Variants in MAP2 observed in about 807,000 individuals in gnomAD.
MAP2 encodes the protein microtubule associated protein 2.
In MAP2, 14 loss-of-function variants were observed where a neutral mutation model predicts 137.6. The ratio of observed to expected loss-of-function variants is 0.10; its 90% CI spans 0.07 to 0.16. The LOEUF (loss-of-function observed/expected upper bound fraction) is 0.16, where lower values mean the gene tolerates loss of function less well. Ranked by LOEUF, MAP2 falls within the 10% of genes least tolerant of loss-of-function variation. The probability of loss-of-function intolerance (pLI) is 1.00; values close to 1 mark genes in which losing one functional copy is unlikely to be tolerated. For missense variants in MAP2, 2,088 were observed against 2,191.5 expected, an observed-to-expected ratio of 0.95 and a Z score of 0.94; for synonymous variants, 786 against 782.3, an observed-to-expected ratio of 1.00 and a Z score of -0.08.
At position 209,692,814 on chromosome 2, in the gene MAP2, G is replaced by A. The variant is rs768731263; in HGVS notation, c.644G>A (p.Gly215Asp). Residue 215 changes from glycine (G) to aspartate (D), a missense_variant, in exon 8 of 16, where the codon GGC becomes GAC. Physicochemically the swap from Gly to Asp is moderately conservative, Grantham distance 94. Around this residue, in one of 6 missense-constraint regions of MAP2, gnomAD observed 859 missense variants for 794.5 expected, o/e 1.08. Transcript: ENST00000682079. ...KTYPDKKDMQ[G>D]TEEEKAPLAL... Reference sequence around the variant, plus strand: ...TACCCTGATAAAAAGGACATGCAAGGCACGGAAGAAGAAAAAGCACCCCTA... The same window carrying A: ...TACCCTGATAAAAAGGACATGCAAGACACGGAAGAAGAAAAAGCACCCCTA... 1.2e-6 allele frequency: 2 copies of A among 1,612,980 alleles called. No homozygotes were observed. Among genetic ancestry groups the A allele is most frequent in the Non-Finnish European group, 1.7e-6 (2 of 1,179,726 alleles).
At chr2:209,576,354 C>T (rs929373303) in intron 2 of MAP2, among the ~76,000 whole-genome samples, 1 of 152,126 alleles carries the variant, frequency 6.6e-6, no homozygotes, top group Admixed American at 6.5e-5. Context: ...AGAGATTCTC[C>T]TGCCTCAGCT....
chr2:209,696,677 C>A lies in MAP2; in HGVS notation c.4316C>A (p.Ser1439Tyr). ...TTTAAAACCGGGAGAGGCAGAATTT[C>A]CACTCCTGAAAGAAAAGTAGCTAAA... ...KPFKTGRGRI[S>Y]TPERKVAKKE... Residue 1439 changes from serine to tyrosine, a missense_variant, in exon 9 of 16, where the codon TCC (serine) becomes TAC (tyrosine). Physicochemically the swap from Ser to Tyr is moderately radical, Grantham distance 144 (BLOSUM62 -2). This residue lies in a region of MAP2 where 591 missense variants were observed against 642.6 expected (regional missense o/e 0.92). Coordinates refer to ENST00000682079, the MANE Select transcript of MAP2 (RefSeq NM_001375505.1). The A allele has an allele frequency of 6.2e-7, 1 of 1,613,950 alleles. No homozygotes were observed. Among genetic ancestry groups the A allele is most frequent in the East Asian group, 2.2e-5 (1 of 44,840 alleles).
At chr2:209,677,365 G>A (rs550169244) in intron 5 of MAP2, among the ~76,000 whole-genome samples, 1 of 151,836 alleles carries the variant, frequency 6.6e-6, no homozygotes, top group African/African-American at 2.4e-5. Flanking sequence ...CAGGCAGATA[G>A]GTAGGTAGAT....
intron 4 of MAP2, among the ~76,000 whole-genome samples, chr2:209,633,494 TAGTTGTTACTA>T (rs1239936955): frequency 3.3e-5 from 5 of 152,206 alleles, no homozygotes; most frequent in Non-Finnish European, 5.9e-5. Context: ...TTGTTGTTAA[TAGTTGTTACTA>T]AGTTATGAGT....
chr2:209,471,740 T>C (rs1419191807), intron 1 of MAP2, among the ~76,000 whole-genome samples: 1 of 151,068 alleles, frequency 6.6e-6, no homozygotes, highest in Non-Finnish European at 1.5e-5. Flanking sequence ...TGTTATTACC[T>C]TAAAAATATA....
At chr2:209,499,097 A>C (rs1054189830) in intron 1 of MAP2, among the ~76,000 whole-genome samples, 2 of 152,100 alleles carry the variant, frequency 1.3e-5, no homozygotes, top group African/African-American at 4.8e-5. Flanking sequence ...ATAAATTCCA[A>C]TTCTTAATCT....
intron 3 of MAP2, among the ~76,000 whole-genome samples, chr2:209,598,715 G>A (rs1193128455): frequency 6.6e-6 from 1 of 150,480 alleles, no homozygotes; most frequent in African/African-American, 2.4e-5. Context: ...TTTTGTTCTT[G>A]CAATAGTTTA....
At chr2:209,699,177 C>T (rs933406424) in intron 10 of MAP2, among the ~76,000 whole-genome samples, 1 of 152,090 alleles carries the variant, frequency 6.6e-6, no homozygotes, top group Non-Finnish European at 1.5e-5. Flanking sequence ...AGTAAGGCAT[C>T]GTTTTCACTG....
In MAP2 at chr2:209,609,400, T is replaced by G. The variant is rs962595618; in HGVS notation, c.-106-15653T>G. 3.9e-5 allele frequency among the ~76,000 whole-genome samples: 6 copies of G among 152,232 alleles called. No homozygotes were observed. In the East Asian group the frequency reaches 9.7e-4, roughly 25 times the overall value. On this transcript the variant is annotated intron_variant, in intron 3 of 15. Coordinates refer to ENST00000682079, the MANE Select transcript of MAP2 (RefSeq NM_001375505.1). The stretch of plus-strand genomic sequence containing the variant: ...CCCTTTAAATTAAATAGTTCAGTGA[T>G]TTTTAGTGTATTAACAGAGTTATGC...
At chr2:209,494,715 A>G (rs1232958619) in intron 1 of MAP2, among the ~76,000 whole-genome samples, 4 of 152,340 alleles carry the variant, frequency 2.6e-5, no homozygotes, top group Middle Eastern at 6.8e-3. Context: ...TTCTTAATAG[A>G]CTTGCTTTCA....
intron 1 of MAP2, among the ~76,000 whole-genome samples, chr2:209,505,449 A>AT (rs1259567957): frequency 3.3e-5 from 5 of 151,974 alleles, no homozygotes; most frequent in African/African-American, 7.2e-5. Flanking sequence ...ATTTCCTTTA[A>AT]TTTTTTTATG....
intron 3 of MAP2, among the ~76,000 whole-genome samples, chr2:209,583,468 G>A (rs2076992593): frequency 6.6e-6 from 1 of 151,862 alleles, no homozygotes; most frequent in South Asian, 2.1e-4. Flanking sequence ...TAACTTGCAA[G>A]GTTTGGGTTT....
At chr2:209,573,781 C>T (rs1251621088) in intron 2 of MAP2, among the ~76,000 whole-genome samples, 1 of 152,146 alleles carries the variant, frequency 6.6e-6, no homozygotes, top group Non-Finnish European at 1.5e-5. Flanking sequence ...TTGTCACTCT[C>T]CATTACCCTC....
intron 8 of MAP2, 73 bp from the exon 9 acceptor site, chr2:209,696,469 C>G (rs2060215627): frequency 1.3e-6 from 2 of 1,501,436 alleles, no homozygotes; most frequent in African/African-American, 1.4e-5. Flanking sequence ...GTTAAATATA[C>G]AAAGGATTTT....
At chr2:209,561,556 T>C (rs2072096575) in intron 2 of MAP2, among the ~76,000 whole-genome samples, 1 of 152,236 alleles carries the variant, frequency 6.6e-6, no homozygotes, top group Admixed American at 6.5e-5. Context: ...ACATTCCTCA[T>C]AAGGTCTGAT....
At chr2:209,665,889 T>C (rs964629375) in intron 5 of MAP2, among the ~76,000 whole-genome samples, 1 of 152,180 alleles carries the variant, frequency 6.6e-6, no homozygotes, top group Non-Finnish European at 1.5e-5. Flanking sequence ...ATGAAAATGC[T>C]CCCATTTACA....
At chr2:209,615,744 A>G (rs1038051178) in intron 3 of MAP2, among the ~76,000 whole-genome samples, 1 of 152,150 alleles carries the variant, frequency 6.6e-6, no homozygotes, top group Non-Finnish European at 1.5e-5. Flanking sequence ...TACATGTTAA[A>G]TCCTCTGACT....
intron 1 of MAP2, among the ~76,000 whole-genome samples, chr2:209,434,837 A>ATATGTTATATATATATGTTATATATATGT (rs1695302178): frequency 2.9e-5 from 3 of 102,612 alleles, no homozygotes; most frequent in African/African-American, 1.6e-4. Context: ...CTCTCTCTAT[A>ATATGTTATATATATATGTTATATATATGT]TATATATATA....
intron 3 of MAP2, among the ~76,000 whole-genome samples, chr2:209,601,070 C>G (rs1005693526): frequency 1.3e-5 from 2 of 152,090 alleles, no homozygotes; most frequent in African/African-American, 4.8e-5. Context: ...CAGTAAATTT[C>G]AATAATACTT....
Sources: gnomAD v4.1 joint callset for allele counts (sites outside exome capture counted in the v4.1 genomes callset) on GRCh38, gnomAD v4.1.1 for gene constraint, gnomAD v4.1.1 regional missense constraint, MANE v1.5 for transcripts, NCBI Gene and HGNC (gene_info 2026-07-23, HGNC 2026-07-21) for gene names.